Variants in ADAMTSL1 observed in about 807,000 individuals in gnomAD.
The protein encoded by ADAMTSL1 is ADAMTS like 1.
In ADAMTSL1, 126 loss-of-function variants were observed where a neutral mutation model predicts 201.8. The observed-to-expected ratio is 0.62, with a 90% CI of 0.54 to 0.72. The LOEUF (loss-of-function observed/expected upper bound fraction) is 0.72. Among genes scored for constraint, ADAMTSL1 ranks in the 30% least tolerant of loss-of-function variants. ADAMTSL1 has a pLI of 0.00. For missense variants in ADAMTSL1, 2,679 were observed against 2,277.8 expected, an observed-to-expected ratio of 1.18 and a Z score of -3.59; for synonymous variants, 1,121 against 903.4, an observed-to-expected ratio of 1.24 and a Z score of -4.32.
chr9:18,830,635 G>A (rs778125686), intron 23 of ADAMTSL1, among the ~76,000 whole-genome samples: 2 of 152,092 alleles, frequency 1.3e-5, no homozygotes, highest in African/African-American at 4.8e-5. Context: ...GCCCCCACAC[G>A]AGAATCATGA....
chr9:18,311,751 G>C (rs1381406433), intron 2 of ADAMTSL1, among the ~76,000 whole-genome samples: 1 of 152,180 alleles, frequency 6.6e-6, no homozygotes, highest in Non-Finnish European at 1.5e-5. Context: ...CTGCCTTCAG[G>C]ACTCTCACAG....
At chr9:18,782,453 A>C (rs1473370842) in intron 19 of ADAMTSL1, among the ~76,000 whole-genome samples, 2 of 151,942 alleles carry the variant, frequency 1.3e-5, no homozygotes, top group Non-Finnish European at 2.9e-5. Context: ...TATCCTTTTA[A>C]CTCTATTTAG....
At chr9:18,406,462 G>A (rs1818212503) in intron 2 of ADAMTSL1, among the ~76,000 whole-genome samples, 4 of 151,938 alleles carry the variant, frequency 2.6e-5, no homozygotes, top group Non-Finnish European at 5.9e-5. Context: ...CCACGTAGCT[G>A]GGATTACAGG....
At chr9:18,464,982 A>G (rs974402831) in intron 2 of ADAMTSL1, among the ~76,000 whole-genome samples, 45 of 152,248 alleles carry the variant, frequency 3.0e-4, no homozygotes, top group African/African-American at 9.9e-4. Context: ...AAAATAAAAC[A>G]TAATAATCAA....
intron 2 of ADAMTSL1, among the ~76,000 whole-genome samples, chr9:18,300,792 C>G (rs2132727285): frequency 6.6e-6 from 1 of 152,216 alleles, no homozygotes; most frequent in African/African-American, 2.4e-5. Context: ...ACCTGGGTAG[C>G]AAACCTACAG....
chr9:18,596,295 T>A (rs1439068995), intron 4 of ADAMTSL1, among the ~76,000 whole-genome samples: 1 of 152,166 alleles, frequency 6.6e-6, no homozygotes, highest in Admixed American at 6.5e-5. Flanking sequence ...ATAACTATAA[T>A]CAGCAGTACG....
chr9:18,303,638 A>C (rs1563872228), intron 2 of ADAMTSL1, among the ~76,000 whole-genome samples: 1 of 152,176 alleles, frequency 6.6e-6, no homozygotes, highest in African/African-American at 2.4e-5. Context: ...AAAGAAGAGA[A>C]TGACAAGAGT....
intron 2 of ADAMTSL1, among the ~76,000 whole-genome samples, chr9:18,511,202 C>G (rs1818002340): frequency 6.6e-6 from 1 of 152,046 alleles, no homozygotes; most frequent in Non-Finnish European, 1.5e-5. Context: ...TAAAGGTCTT[C>G]TGAGACCTTT....
At chr9:18,894,782 G>C (rs759617325) in intron 26 of ADAMTSL1, among the ~76,000 whole-genome samples, 1 of 152,116 alleles carries the variant, frequency 6.6e-6, no homozygotes, top group Admixed American at 6.6e-5. Context: ...GTATACAAGT[G>C]GTGGCTAAGA....
intron 1 of ADAMTSL1, among the ~76,000 whole-genome samples, chr9:17,963,634 C>T (rs1817847707): frequency 6.6e-6 from 1 of 152,256 alleles, no homozygotes; most frequent in East Asian, 1.9e-4. Flanking sequence ...AGCCTGAGTT[C>T]TAGCAGCTTC....
At chr9:18,531,538 T>A (rs1819445573) in intron 2 of ADAMTSL1, among the ~76,000 whole-genome samples, 1 of 152,192 alleles carries the variant, frequency 6.6e-6, no homozygotes, top group Non-Finnish European at 1.5e-5. Context: ...ATAGTAATAG[T>A]CAGTCTGATT....
At chr9:18,001,308 T>A (rs935421455) in intron 1 of ADAMTSL1, among the ~76,000 whole-genome samples, 2 of 152,078 alleles carry the variant, frequency 1.3e-5, no homozygotes, top group Middle Eastern at 3.2e-3. Context: ...CCTTCAAAGA[T>A]GACAGAAGTA....
intron 1 of ADAMTSL1, among the ~76,000 whole-genome samples, chr9:17,929,808 CCATTTTCTTTCTAGCACTTGTTTG>C (rs1430798626): frequency 3.3e-5 from 5 of 152,096 alleles, no homozygotes; most frequent in African/African-American, 1.2e-4. Flanking sequence ...CTCACAATGC[CCATTTTCTTTCTAGCACTTGTTTG>C]CATTTTCTTT....
At chr9:18,189,302 T>G (rs188063829) in intron 2 of ADAMTSL1, among the ~76,000 whole-genome samples, 152 of 152,248 alleles carry the variant, frequency 1.0e-3, no homozygotes, top group Non-Finnish European at 1.6e-3. Flanking sequence ...TGCAAATTTG[T>G]TTGAGTTAAT....
At chr9:17,929,804 A>G (rs909264728) in intron 1 of ADAMTSL1, among the ~76,000 whole-genome samples, 11 of 152,074 alleles carry the variant, frequency 7.2e-5, no homozygotes, top group African/African-American at 2.2e-4. Context: ...ATTTCTCACA[A>G]TGCCCATTTT....
intron 13 of ADAMTSL1, among the ~76,000 whole-genome samples, chr9:18,694,307 A>G (rs1281641548): frequency 6.6e-6 from 1 of 152,136 alleles, no homozygotes. Flanking sequence ...GTTGCAAAAT[A>G]CAATCATCCC....
chr9:18,287,898 C>T (rs1299278862), intron 2 of ADAMTSL1, among the ~76,000 whole-genome samples: 1 of 152,080 alleles, frequency 6.6e-6, no homozygotes, highest in African/African-American at 2.4e-5. Context: ...TTCTCCTACT[C>T]CCTGAAGTAT....
chr9:18,899,307 C>T (rs1260128749), intron 26 of ADAMTSL1, among the ~76,000 whole-genome samples: 29 of 152,126 alleles, frequency 1.9e-4, no homozygotes, highest in Non-Finnish European at 2.9e-5. Flanking sequence ...AGGACACAAA[C>T]AAATGGAGAA....
intron 2 of ADAMTSL1, among the ~76,000 whole-genome samples, chr9:18,303,128 T>C (rs993298948): frequency 6.6e-6 from 1 of 152,216 alleles, no homozygotes; most frequent in African/African-American, 2.4e-5. Flanking sequence ...TAGGTACTTA[T>C]TTAAAGAAAA....
Sources: allele counts gnomAD v4.1 joint callset (sites outside exome capture counted in the v4.1 genomes callset), GRCh38; gene constraint gnomAD v4.1.1; transcripts MANE v1.5; gene names NCBI Gene and HGNC (gene_info 2026-07-23, HGNC 2026-07-21).